The following ZEB1 variants were observed in gnomAD, a reference collection of about 807,000 sequenced individuals.
The protein encoded by ZEB1 is zinc finger E-box binding homeobox 1.
Under a neutral mutation model 84.9 loss-of-function variants are expected in ZEB1, and 21 were observed. That is an observed-to-expected ratio of 0.25 (90% CI 0.18 to 0.36). The LOEUF (loss-of-function observed/expected upper bound fraction) is 0.36, where lower values mean the gene tolerates loss of function less well. ZEB1 is among the 10% of genes least tolerant of loss of function. The pLI, the probability that ZEB1 is intolerant of heterozygous loss-of-function variation, is 1.00. For synonymous variants in ZEB1, 420 were observed against 471.1 expected, an observed-to-expected ratio of 0.89 and a Z score of 1.41; for missense variants, 1,104 against 1,330.2, an observed-to-expected ratio of 0.83 and a Z score of 2.65.
At chr10:31,492,507 T>C (rs1296916620) in intron 2 of ZEB1, among the ~76,000 whole-genome samples, 1 of 151,810 alleles carries the variant, frequency 6.6e-6, no homozygotes, top group East Asian at 1.9e-4. Flanking sequence ...TTTAACCTCA[T>C]CATAAGTCAA....
intron 1 of ZEB1, among the ~76,000 whole-genome samples, chr10:31,417,533 CA>C (rs2055417490): frequency 6.6e-6 from 1 of 151,934 alleles, no homozygotes; most frequent in African/African-American, 2.4e-5. Context: ...AAGTTCACAC[CA>C]TAAGAAAATA....
intron 1 of ZEB1, among the ~76,000 whole-genome samples, chr10:31,348,681 A>T (rs909453678): frequency 6.6e-6 from 1 of 152,212 alleles, no homozygotes; most frequent in Non-Finnish European, 1.5e-5. Context: ...GTGTAAGGAG[A>T]CAAGTGTGTA....
At chr10:31,438,600 G>T (rs1591263576) in intron 1 of ZEB1, among the ~76,000 whole-genome samples, 1 of 152,130 alleles carries the variant, frequency 6.6e-6, no homozygotes, top group Non-Finnish European at 1.5e-5. Context: ...ACTTTGGAAG[G>T]CCAAGCCGGA....
Position 31,347,120 on chromosome 10 carries a change from A to G in ZEB1, c.58+27828A>G, listed in dbSNP as rs562755205. ...GTGTTAGGAAACTCATTTTTTAACT[A>G]CCTTCAAGTGATTATCGAGGCAGGT... On this transcript the variant is annotated intron_variant, in intron 1 of 8. Transcript: ENST00000424869. Among the ~76,000 whole-genome samples, 9 of 152,222 alleles carry G rather than the reference A, an allele frequency of 5.9e-5. No homozygotes were observed. In the South Asian group the frequency reaches 1.9e-3, roughly 32 times the overall value.
At chr10:31,509,992 G>C (rs187080347) in intron 4 of ZEB1, among the ~76,000 whole-genome samples, 3 of 152,278 alleles carry the variant, frequency 2.0e-5, no homozygotes, top group Admixed American at 2.0e-4. Flanking sequence ...AGATTTGCCA[G>C]TGTATTTCAA....
intron 1 of ZEB1, among the ~76,000 whole-genome samples, chr10:31,366,249 A>G (rs1031903177): frequency 1.4e-4 from 21 of 152,316 alleles, no homozygotes; most frequent in South Asian, 1.2e-3. Context: ...TTCCAGAAAA[A>G]AACAGACATA....
chr10:31,405,480 T>A (rs1427126571), intron 1 of ZEB1, among the ~76,000 whole-genome samples: 1 of 152,194 alleles, frequency 6.6e-6, no homozygotes, highest in Non-Finnish European at 1.5e-5. Flanking sequence ...AGTACAGTAC[T>A]TTATTATTTA....
Position 31,408,842 on chromosome 10 carries a change from C to T in ZEB1, c.59-52195C>T, listed in dbSNP as rs963866747. Among the ~76,000 whole-genome samples the T allele has an allele frequency of 5.0e-4, 75 of 150,606 alleles. 2 individuals carry two copies. The highest frequency in any genetic ancestry group is 4.9e-3 in the Admixed American group (75 of 15,208). On this transcript the variant is annotated intron_variant, in intron 1 of 8. Transcript: ENST00000424869. Reference sequence around the variant, plus strand: ...TTCAAGACATAGGCATGGGCAAGGACTTCATGTCTAAAACACCAAAAGCAA... The same window carrying T: ...TTCAAGACATAGGCATGGGCAAGGATTTCATGTCTAAAACACCAAAAGCAA...
chr10:31,491,883 A>C (rs1052982243), intron 2 of ZEB1, among the ~76,000 whole-genome samples: 1 of 151,926 alleles, frequency 6.6e-6, no homozygotes, highest in Non-Finnish European at 1.5e-5. Context: ...ACATATTATA[A>C]ATTGGAAGAT....
At chr10:31,438,821 G>A (rs967345895) in intron 1 of ZEB1, among the ~76,000 whole-genome samples, 2 of 152,296 alleles carry the variant, frequency 1.3e-5, no homozygotes, top group South Asian at 4.2e-4. Flanking sequence ...TCCAGCCTGG[G>A]TGACAGAGTG....
chr10:31,519,000 TAAA>T (rs1336340413), intron 6 of ZEB1, among the ~76,000 whole-genome samples: 1 of 152,172 alleles, frequency 6.6e-6, no homozygotes, highest in African/African-American at 2.4e-5. Context: ...TTTTAATTCT[TAAA>T]AAGAGCAGGA....
intron 1 of ZEB1, among the ~76,000 whole-genome samples, chr10:31,432,607 A>G (rs2057852654): frequency 6.6e-6 from 1 of 152,098 alleles, no homozygotes; most frequent in African/African-American, 2.4e-5. Context: ...TTTTTAATTC[A>G]GTGTGAATAG....
intron 1 of ZEB1, among the ~76,000 whole-genome samples, chr10:31,433,133 C>T (rs144221277): frequency 6.6e-6 from 1 of 152,196 alleles, no homozygotes. Context: ...AATCACTGCT[C>T]TCTTGAACTT....
At chr10:31,479,425 T>C (rs1363954312) in intron 2 of ZEB1, among the ~76,000 whole-genome samples, 3 of 151,914 alleles carry the variant, frequency 2.0e-5, no homozygotes, top group Admixed American at 6.6e-5. Context: ...ATTGTTATGA[T>C]ATCAAATTCA....
intron 1 of ZEB1, among the ~76,000 whole-genome samples, chr10:31,364,776 C>T (rs1003255825): frequency 1.3e-5 from 2 of 152,250 alleles, no homozygotes; most frequent in African/African-American, 2.4e-5. Context: ...GATTCCACAG[C>T]TGGCGCTCTG....
At chr10:31,327,629 G>A (rs549194135) in intron 1 of ZEB1, among the ~76,000 whole-genome samples, 1 of 152,274 alleles carries the variant, frequency 6.6e-6, no homozygotes, top group African/African-American at 2.4e-5. Flanking sequence ...GGCTGTGGAA[G>A]AGTTTCTCAG....
intron 1 of ZEB1, among the ~76,000 whole-genome samples, chr10:31,407,473 A>C (rs1023117563): frequency 1.3e-5 from 2 of 151,732 alleles, no homozygotes; most frequent in East Asian, 1.9e-4. Flanking sequence ...TATGTGCCAC[A>C]TTTTCTTAAT....
Position 31,502,432 on chromosome 10 carries a change from C to G in ZEB1, c.407C>G (p.Thr136Ser). ...NVEEFLQQQD[T>S]AVIFPEAPEE... is the part of the protein sequence containing the mutation. ...GAAGAGTTTCTACAACAACAAGACA[C>G]TGCTGTCATTTTTCCTGAGGCACCT... is the stretch of plus-strand genomic sequence containing the variant. Residue 136 changes from threonine to serine, a missense_variant, in exon 4 of 9, where the codon ACT becomes AGT. Thr to Ser is a moderately conservative substitution (Grantham distance 58). Around this residue, in one of 7 missense-constraint regions of ZEB1, gnomAD observed 162 missense variants for 184.5 expected, o/e 0.88. Transcript: ENST00000424869. 1 of 1,613,860 alleles carries G rather than the reference C, an allele frequency of 6.2e-7. No homozygotes were observed.
intron 1 of ZEB1, among the ~76,000 whole-genome samples, chr10:31,404,603 A>G (rs1054136309): frequency 1.3e-5 from 2 of 152,134 alleles, no homozygotes; most frequent in African/African-American, 4.8e-5. Context: ...TCATCTTTGT[A>G]TGCATTTTAT....
Sources: allele counts gnomAD v4.1 joint callset (sites outside exome capture counted in the v4.1 genomes callset), GRCh38; gene constraint gnomAD v4.1.1; regional missense constraint gnomAD v4.1.1; transcripts MANE v1.5; gene names NCBI Gene and HGNC (gene_info 2026-07-23, HGNC 2026-07-21).